RGS21: variants seen among roughly 807,000 people sequenced by gnomAD.
The protein encoded by RGS21 is regulator of G protein signaling 21, also known as regulator of G-protein signalling 21.
Under a neutral mutation model 18.7 loss-of-function variants are expected in RGS21, and 19 were observed. The observed-to-expected ratio is 1.01, with a 90% confidence interval of 0.71 to 1.49. The LOEUF is 1.49. RGS21 is among the 40% of genes most tolerant of loss of function. The probability of loss-of-function intolerance (pLI) is 0.00; values close to 1 mark genes in which losing one functional copy is unlikely to be tolerated. For synonymous variants in RGS21, 56 were observed against 57.8 expected, an observed-to-expected ratio of 0.97 and a Z score of 0.14; for missense variants, 194 against 176.8, an observed-to-expected ratio of 1.10 and a Z score of -0.55.
intron 2 of RGS21, 36 bp downstream of exon 2, chr1:192,343,083 G>A: frequency 6.2e-7 from 1 of 1,603,934 alleles, no homozygotes; most frequent in Non-Finnish European, 8.5e-7. Context: ...TATCTCAGAA[G>A]ATGTACAAAT....
chr1:192,340,884 A>G (rs957847189), intron 1 of RGS21, among the ~76,000 whole-genome samples: 1 of 152,068 alleles, frequency 6.6e-6, no homozygotes, highest in African/African-American at 2.4e-5. Flanking sequence ...GAAACCGCCC[A>G]CATGATTCAA....
At chr1:192,323,395 C>T (rs17413409) in intron 1 of RGS21, among the ~76,000 whole-genome samples, 3 of 151,850 alleles carry the variant, frequency 2.0e-5, no homozygotes, top group Non-Finnish European at 4.4e-5. Context: ...TGAGCACTTA[C>T]GGCTCTGTTG....
intron 1 of RGS21, 103 bp from the exon 2 acceptor site, chr1:192,342,874 A>T: frequency 3.3e-6 from 2 of 606,188 alleles, no homozygotes; most frequent in Non-Finnish European, 6.0e-6. Flanking sequence ...TAACAAAAAT[A>T]AAAAAGCTGA....
At chr1:192,345,853 A>G (rs1315219359) in intron 2 of RGS21, among the ~76,000 whole-genome samples, 1 of 152,096 alleles carries the variant, frequency 6.6e-6, no homozygotes, top group African/African-American at 2.4e-5. Context: ...CTAATATTTG[A>G]GTTATATGAA....
rs77664911 is a variant in RGS21, at chr1:192,352,059, C to G, written c.101C>G (p.Ala34Gly). The G allele has an allele frequency of 4.4e-6, 7 of 1,594,406 alleles. No homozygotes were observed. Among genetic ancestry groups the G allele is most frequent in the Non-Finnish European group, 2.6e-6 (3 of 1,171,394 alleles). The part of the protein sequence containing the change: ...TLLANQAGLD[A>G]FRIFLKSEFS... Reference sequence around the variant, plus strand: ...ATATATTTTATAGCTGGTCTAGATGCTTTTCGAATATTTCTAAAATCAGAG... The same window carrying G: ...ATATATTTTATAGCTGGTCTAGATGGTTTTCGAATATTTCTAAAATCAGAG... The change falls in exon 4 of 5, where the codon GCT becomes GGT. Residue 34 changes from alanine to glycine, a missense_variant. By Grantham distance (60) the Ala-to-Gly change is moderately conservative. Coordinates refer to ENST00000417209, the MANE Select transcript of RGS21 (RefSeq NM_001039152.3).
intron 4 of RGS21, among the ~76,000 whole-genome samples, chr1:192,354,335 G>C (rs1041526984): frequency 6.6e-6 from 1 of 151,472 alleles, no homozygotes; most frequent in Non-Finnish European, 1.5e-5. Context: ...TTAGATTTGC[G>C]GTGTGGTTCA....
intron 3 of RGS21, among the ~76,000 whole-genome samples, chr1:192,348,023 T>TATG (rs1491172539): frequency 4.3e-5 from 6 of 139,216 alleles, no homozygotes; most frequent in Non-Finnish European, 9.3e-5. Context: ...TATATATGTA[T>TATG]TTTTTTTTTT....
intron 1 of RGS21, 65 bp from the exon 2 acceptor site, chr1:192,342,912 T>C (rs1658892088): frequency 2.2e-6 from 2 of 905,948 alleles, no homozygotes; most frequent in Non-Finnish European, 3.6e-6. Flanking sequence ...GAATGCCAAT[T>C]TGTAACCCAG....
intron 2 of RGS21, among the ~76,000 whole-genome samples, chr1:192,345,466 G>A (rs1478391600): frequency 6.6e-6 from 1 of 151,958 alleles, no homozygotes; most frequent in Non-Finnish European, 1.5e-5. Context: ...GTCAATATTT[G>A]GGGTTTGGTC....
chr1:192,350,666 A>G (rs1349988758), intron 3 of RGS21, among the ~76,000 whole-genome samples: 1 of 152,182 alleles, frequency 6.6e-6, no homozygotes, highest in East Asian at 1.9e-4. Context: ...TACATTCTCA[A>G]AAATAGAGAC....
intron 1 of RGS21, among the ~76,000 whole-genome samples, chr1:192,319,792 A>C (rs1330863594): frequency 6.6e-6 from 1 of 152,128 alleles, no homozygotes; most frequent in Non-Finnish European, 1.5e-5. Context: ...GATGTTTAAT[A>C]ACTGATGGTT....
intron 1 of RGS21, among the ~76,000 whole-genome samples, chr1:192,334,386 A>AT (rs1658734147): frequency 6.6e-6 from 1 of 152,156 alleles, no homozygotes; most frequent in Admixed American, 6.5e-5. Flanking sequence ...ACATTCTTCC[A>AT]TTTTTGTTTT....
chr1:192,342,026 C>T (rs1409212806), intron 1 of RGS21, among the ~76,000 whole-genome samples: 1 of 151,960 alleles, frequency 6.6e-6, no homozygotes, highest in Non-Finnish European at 1.5e-5. Context: ...ATTTCTTCTA[C>T]TTCTCTCAGT....
chr1:192,362,349 T>C (rs554404077), intron 4 of RGS21, among the ~76,000 whole-genome samples: 1 of 152,242 alleles, frequency 6.6e-6, no homozygotes, highest in East Asian at 1.9e-4. Context: ...AAAATGTTGG[T>C]TATAAAGCCC....
At chr1:192,360,278 G>A (rs1659169629) in intron 4 of RGS21, among the ~76,000 whole-genome samples, 1 of 152,008 alleles carries the variant, frequency 6.6e-6, no homozygotes, top group Admixed American at 6.6e-5. Flanking sequence ...ATAATTTGTA[G>A]TCATCTCTTG....
chr1:192,364,122 G>C (rs1659223088), intron 4 of RGS21, among the ~76,000 whole-genome samples: 1 of 152,158 alleles, frequency 6.6e-6, no homozygotes, highest in Admixed American at 6.6e-5. Flanking sequence ...CACCAAAGCT[G>C]TAAGTGTTAG....
intron 1 of RGS21, among the ~76,000 whole-genome samples, chr1:192,320,514 GTGTATGTGTATA>G (rs1286451080): frequency 2.7e-5 from 4 of 145,534 alleles, no homozygotes; most frequent in South Asian, 2.1e-4. Flanking sequence ...GTATGTGTAT[GTGTATGTGTATA>G]TGTATGTGTA....
intron 2 of RGS21, among the ~76,000 whole-genome samples, chr1:192,347,073 A>G (rs1444742126): frequency 3.9e-5 from 6 of 152,216 alleles, no homozygotes; most frequent in African/African-American, 1.4e-4. Flanking sequence ...GAATTTAAGA[A>G]GCCTCAAATA....
At chr1:192,364,597 T>C (rs1659229018) in intron 4 of RGS21, among the ~76,000 whole-genome samples, 1 of 152,120 alleles carries the variant, frequency 6.6e-6, no homozygotes. Context: ...ATTGCAGGTG[T>C]CTGTGCCTAT....
Sources: gnomAD v4.1 joint callset for allele counts (sites outside exome capture counted in the v4.1 genomes callset) on GRCh38, gnomAD v4.1.1 for gene constraint, MANE v1.5 for transcripts, NCBI Gene and HGNC (gene_info 2026-07-23, HGNC 2026-07-21) for gene names.